The following UBN2 variants were observed in gnomAD, a reference collection of about 807,000 sequenced individuals.
UBN2 encodes ubinuclein-2.
UBN2 carries 35 observed loss-of-function variants against 120.2 expected under a neutral mutation model. The ratio of observed to expected loss-of-function variants is 0.29; its 90% confidence interval spans 0.22 to 0.39. The LOEUF is 0.39. UBN2 is among the 10% of genes least tolerant of loss of function. The pLI is 1.00. For synonymous variants in UBN2, 661 were observed against 648.7 expected (o/e 1.02, Z -0.29); for missense variants, 1,693 against 1,663.2 (o/e 1.02, Z -0.31).
At chr7:139,278,606 A>G (rs988662978) in intron 12 of UBN2, among the ~76,000 whole-genome samples, 5 of 151,890 alleles carry the variant, frequency 3.3e-5, no homozygotes, top group Non-Finnish European at 7.4e-5. Context: ...CGTTTCCCTA[A>G]ATGGCCTTCA....
At chr7:139,250,149 G>A (rs922322315) in intron 2 of UBN2, among the ~76,000 whole-genome samples, 1 of 152,128 alleles carries the variant, frequency 6.6e-6, no homozygotes. Context: ...TGTGAGGTGG[G>A]AGGATCGCTT....
At position 139,237,062 on chromosome 7, in the gene UBN2, G is replaced by T; in HGVS notation, c.526G>T (p.Val176Leu). 1 of 1,611,096 alleles carries T rather than the reference G, an allele frequency of 6.2e-7. No individual in the cohort carries two copies. The highest frequency in any genetic ancestry group is 8.5e-7 in the Non-Finnish European group (1 of 1,178,032). ...FNDEHQERQEVEMLAKKFEMK... is the reference protein window; with the variant it reads ...FNDEHQERQELEMLAKKFEMK... ...TGATGAACATCAGGAGAGGCAAGAGGTGGAAATGTTGGCTAAGAAGTTTGA... is the reference window on the plus strand; with the variant it reads ...TGATGAACATCAGGAGAGGCAAGAGTTGGAAATGTTGGCTAAGAAGTTTGA... Residue 176 changes from valine to leucine, a missense_variant, in exon 2 of 18, where the codon GTG (valine) becomes TTG (leucine). Transcript: ENST00000473989.
At chr7:139,256,807 TAAG>T (rs890954008) in intron 3 of UBN2, among the ~76,000 whole-genome samples, 8 of 152,340 alleles carry the variant, frequency 5.3e-5, no homozygotes, top group South Asian at 2.1e-4. Flanking sequence ...AGTAGAACGA[TAAG>T]AAAGTAGTTT....
the UBN2 span, among the ~76,000 whole-genome samples, chr7:139,322,181 C>T: frequency 1.3e-5 from 2 of 152,116 alleles, no homozygotes; most frequent in East Asian, 3.9e-4. Context: ...ACCCTGTTGG[C>T]CAGGCTGGTC....
chr7:139,255,459 G>A (rs963386391), intron 3 of UBN2, among the ~76,000 whole-genome samples: 2 of 152,130 alleles, frequency 1.3e-5, no homozygotes, highest in African/African-American at 4.8e-5. Context: ...AAGAAAAGTG[G>A]AAAACTTCTG....
chr7:139,287,186 AATTTG>A, intron 15 of UBN2, among the ~76,000 whole-genome samples: 1 of 152,288 alleles, frequency 6.6e-6, no homozygotes, highest in African/African-American at 2.4e-5. Flanking sequence ...ATTAATTCTT[AATTTG>A]ATCAAAGGAA....
Position 139,258,487 on chromosome 7 carries a change from G to T in UBN2, c.664-1G>T. The T allele has an allele frequency of 6.3e-7, 1 of 1,580,760 alleles. No individual in the cohort carries two copies. Among genetic ancestry groups the T allele is most frequent in the Non-Finnish European group, 8.6e-7 (1 of 1,162,350 alleles). ...GGAAACTTTTTTGTTTTTTAATCTAGTATGATGAATTAGTTCCCGCTTCTC... is the reference window on the plus strand; with the variant it reads ...GGAAACTTTTTTGTTTTTTAATCTATTATGATGAATTAGTTCCCGCTTCTC... On this transcript the variant is annotated splice_acceptor_variant, in intron 3 of 17. Coordinates refer to ENST00000473989, the MANE Select transcript of UBN2 (RefSeq NM_173569.4). LOFTEE classifies it high-confidence loss of function.
chr7:139,267,285 A>G (rs191376244), intron 7 of UBN2, among the ~76,000 whole-genome samples: 82 of 152,272 alleles, frequency 5.4e-4, no homozygotes, highest in African/African-American at 1.9e-3. Flanking sequence ...TGTAATCCCA[A>G]CACTTTGGGA....
At chr7:139,275,041 G>T (rs1797400478) in intron 11 of UBN2, among the ~76,000 whole-genome samples, 1 of 152,094 alleles carries the variant, frequency 6.6e-6, no homozygotes, top group Non-Finnish European at 1.5e-5. Flanking sequence ...ACTTTGGGAG[G>T]CCGAGGCTGG....
intron 12 of UBN2, among the ~76,000 whole-genome samples, chr7:139,278,857 A>T (rs974548337): frequency 6.6e-6 from 1 of 152,038 alleles, no homozygotes; most frequent in African/African-American, 2.4e-5. Flanking sequence ...AAGTTTCAAG[A>T]TTCCATAGTA....
At position 139,273,912 on chromosome 7, in the gene UBN2, T is replaced by G; in HGVS notation, c.1830-19T>G. On this transcript the variant is annotated intron_variant, in intron 10 of 17. Coordinates refer to ENST00000473989, the MANE Select transcript of UBN2 (RefSeq NM_173569.4). ...GTTCTTCTAAAAAAAGTTTCAAATT[T>G]AATTTTCAATCTGTTTAGAACTTTG... 1 of 1,560,460 alleles carries G rather than the reference T, an allele frequency of 6.4e-7. No homozygotes were observed. The highest frequency in any genetic ancestry group is 2.2e-5 in the Admixed American group (1 of 46,274).
chr7:139,231,495 C>A lies in UBN2; in HGVS notation c.11C>A (p.Pro4Gln). 1 of 1,390,222 alleles carries A rather than the reference C, an allele frequency of 7.2e-7. No homozygotes were observed. The highest frequency in any genetic ancestry group is 9.4e-7 in the Non-Finnish European group (1 of 1,063,228). 86.1% of individuals were successfully genotyped at this position (1,390,222 alleles called of 1,614,324 possible). Reference sequence around the variant, plus strand: ...GCCAGAACAGTGGGGATGGCGGAGCCGCGCAGAGTAGCGTTCATTAGCTTG... The same window carrying A: ...GCCAGAACAGTGGGGATGGCGGAGCAGCGCAGAGTAGCGTTCATTAGCTTG... Reference protein sequence around the residue: MAEPRRVAFISLSP... With the variant: MAEQRRVAFISLSP... The change falls in exon 1 of 18, where the codon CCG becomes CAG. Residue 4 changes from proline (P) to glutamine (Q), a missense_variant. Physicochemically the swap from Pro to Gln is moderately conservative, Grantham distance 76 (BLOSUM62 -1). Coordinates refer to ENST00000473989, the MANE Select transcript of UBN2 (RefSeq NM_173569.4).
At position 139,248,159 on chromosome 7, in the gene UBN2, T is replaced by C. The variant is rs139031717; in HGVS notation, c.562-3797T>C. ...CTATGGCATAAGTTCTTAACAGATA[T>C]TTTTGACTCTAAGTAATGGTTCGAA... On this transcript the variant is annotated intron_variant, in intron 2 of 17. Transcript: ENST00000473989. Among the ~76,000 whole-genome samples the C allele has an allele frequency of 1.2e-4, 18 of 152,320 alleles. No individual in the cohort carries two copies. In the East Asian group the frequency reaches 3.1e-3, roughly 26 times the overall value.
Position 139,258,621 on chromosome 7 carries a change from C to G in UBN2, c.797C>G (p.Pro266Arg), listed in dbSNP as rs767937287. The G allele has an allele frequency of 1.3e-6, 2 of 1,590,480 alleles. No homozygotes were observed. Among genetic ancestry groups the G allele is most frequent in the Non-Finnish European group, 1.7e-6 (2 of 1,167,838 alleles). ...DITDNQKHKP[P>R]KVPKIKEDDI... is the part of the protein sequence containing the mutation. ...ACAGACAACCAAAAGCACAAGCCACCCAAGGTGAGTTTATCAAACATTGCA... is the reference window on the plus strand; with the variant it reads ...ACAGACAACCAAAAGCACAAGCCACGCAAGGTGAGTTTATCAAACATTGCA... Residue 266 changes from proline (P) to arginine (R), a missense_variant, in exon 4 of 18, where the codon CCC (proline) becomes CGC (arginine). This residue lies in a region of UBN2 where 663 missense variants were observed against 591.2 expected (regional missense o/e 1.12). Coordinates refer to ENST00000473989, the MANE Select transcript of UBN2 (RefSeq NM_173569.4).
intron 17 of UBN2, among the ~76,000 whole-genome samples, chr7:139,294,764 C>T (rs950527678): frequency 6.6e-6 from 1 of 152,140 alleles, no homozygotes; most frequent in Admixed American, 6.5e-5. Context: ...TTGCTTGAAC[C>T]CAGGAGGTGG....
rs1446166638 is a variant in UBN2, at chr7:139,298,074, A to G, written c.*238A>G. On this transcript the variant is annotated 3_prime_UTR_variant, in exon 18 of 18. Coordinates refer to ENST00000473989, the MANE Select transcript of UBN2 (RefSeq NM_173569.4). ...TTTGGTCTCTTCTAAAGAATGACAG[A>G]GTTACCGTATTAACAGACTTGAAAG... 3 of 470,520 alleles carry G rather than the reference A, an allele frequency of 6.4e-6. No homozygotes were observed. Among genetic ancestry groups the G allele is most frequent in the East Asian group, 6.7e-5 (2 of 29,728 alleles). 29.1% of individuals were successfully genotyped at this position (470,520 alleles called of 1,614,324 possible). A position where few individuals can be genotyped will look rare whatever the true frequency, so the allele number is the denominator to read the frequency against.
Position 139,306,859 on chromosome 7 carries a change from T to G in UBN2, c.*9023T>G, listed in dbSNP as rs1187788868. On this transcript the variant is annotated 3_prime_UTR_variant, in exon 18 of 18. Transcript: ENST00000473989. Reference sequence around the variant, plus strand: ...ATTAATCCAAGTCTACCAAGGTAACTAAGTAATGGATGTTTTCTCTCTTTT... The same window carrying G: ...ATTAATCCAAGTCTACCAAGGTAACGAAGTAATGGATGTTTTCTCTCTTTT... 1.3e-5 allele frequency: 2 copies of G among 152,230 alleles called. No homozygotes were observed. The highest frequency in any genetic ancestry group is 4.8e-5 in the African/African-American group (2 of 41,462). 9.4% of individuals were successfully genotyped at this position (152,230 alleles called of 1,614,324 possible).
chr7:139,243,152 A>G (rs1184985817), intron 2 of UBN2, among the ~76,000 whole-genome samples: 2 of 152,218 alleles, frequency 1.3e-5, no homozygotes, highest in Non-Finnish European at 2.9e-5. Flanking sequence ...ATGAGGCTGC[A>G]TTGGCCTAAA....
At chr7:139,296,170 G>A (rs753770882) in intron 17 of UBN2, among the ~76,000 whole-genome samples, 1 of 152,168 alleles carries the variant, frequency 6.6e-6, no homozygotes, top group Non-Finnish European at 1.5e-5. Context: ...TAAGAGCTCA[G>A]TTAATGTTGA....
Sources: gnomAD v4.1 joint callset for allele counts (sites outside exome capture counted in the v4.1 genomes callset) on GRCh38, gnomAD v4.1.1 for gene constraint, gnomAD v4.1.1 regional missense constraint, MANE v1.5 for transcripts, NCBI Gene and HGNC (gene_info 2026-07-23, HGNC 2026-07-21) for gene names.